Variants in RIMS1 observed in about 807,000 individuals in gnomAD.
The protein encoded by RIMS1 is regulating synaptic membrane exocytosis 1, also known as regulating synaptic membrane exocytosis protein 1.
Under a neutral mutation model 214.1 loss-of-function variants are expected in RIMS1, and 83 were observed. The observed-to-expected ratio is 0.39, with a 90% CI of 0.32 to 0.47. RIMS1 has a LOEUF of 0.47. RIMS1 is among the 20% of genes least tolerant of loss of function. The probability of loss-of-function intolerance (pLI) is 0.99; values close to 1 mark genes in which losing one functional copy is unlikely to be tolerated. For missense variants in RIMS1, 2,050 were observed against 2,161.8 expected (o/e 0.95, Z 1.03); for synonymous variants, 793 against 786.8 (o/e 1.01, Z -0.13).
chr6:72,149,011 A>C (rs1297385090), intron 4 of RIMS1, among the ~76,000 whole-genome samples: 1 of 152,104 alleles, frequency 6.6e-6, no homozygotes, highest in Non-Finnish European at 1.5e-5. Flanking sequence ...AAAATCTGCC[A>C]CGTAGAAAAG....
intron 6 of RIMS1, among the ~76,000 whole-genome samples, chr6:72,205,394 T>C (rs758882121): frequency 1.3e-5 from 2 of 152,116 alleles, no homozygotes; most frequent in Admixed American, 6.5e-5. Flanking sequence ...CCAGAAAGAA[T>C]AAGAGCTCTA....
chr6:71,918,292 G>A (rs1367052308), intron 1 of RIMS1, among the ~76,000 whole-genome samples: 2 of 152,132 alleles, frequency 1.3e-5, no homozygotes, highest in Admixed American at 1.3e-4. Context: ...GACCAGGAAA[G>A]TGTAGAGTTC....
At chr6:72,038,118 AATATATATATATAT>A (rs70994111) in intron 2 of RIMS1, among the ~76,000 whole-genome samples, 161 of 13,362 alleles carry the variant, frequency 0.012, no homozygotes, top group East Asian at 0.078. Flanking sequence ...AAAAAAAAAA[AATATATATATATAT>A]ATATATATAT....
chr6:72,175,332 A>G, intron 4 of RIMS1: 1 of 391,564 alleles, frequency 2.6e-6, no homozygotes, highest in Non-Finnish European at 5.1e-6. Flanking sequence ...ATATTATAAT[A>G]CTAAGTACCT....
chr6:71,990,090 A>G (rs1057121855), intron 2 of RIMS1, among the ~76,000 whole-genome samples: 2 of 152,164 alleles, frequency 1.3e-5, no homozygotes, highest in African/African-American at 4.8e-5. Context: ...GCCCCTATTC[A>G]TTTAATTCCT....
chr6:72,001,030 A>AT (rs1805032707), intron 2 of RIMS1, among the ~76,000 whole-genome samples: 1 of 151,910 alleles, frequency 6.6e-6, no homozygotes, highest in Non-Finnish European at 1.5e-5. Flanking sequence ...CTGTAAAAAA[A>AT]TTCATAAATT....
intron 2 of RIMS1, among the ~76,000 whole-genome samples, chr6:72,084,523 G>T (rs2463750): frequency 6.6e-6 from 1 of 152,108 alleles, no homozygotes; most frequent in Non-Finnish European, 1.5e-5. Flanking sequence ...TCTAGAAACA[G>T]TATTTCTAGG....
chr6:72,338,009 G>A (rs1180204418), intron 29 of RIMS1, among the ~76,000 whole-genome samples: 1 of 151,284 alleles, frequency 6.6e-6, no homozygotes, highest in Admixed American at 6.6e-5. Flanking sequence ...ATTTAGGTTG[G>A]TTCCAAGTCT....
chr6:72,309,468 G>T (rs1237838568), intron 27 of RIMS1, among the ~76,000 whole-genome samples: 1 of 152,086 alleles, frequency 6.6e-6, no homozygotes, highest in African/African-American at 2.4e-5. Flanking sequence ...ATGGATTTGG[G>T]ACTTAGGGTA....
chr6:72,286,709 C>T (rs1173947130), intron 24 of RIMS1, among the ~76,000 whole-genome samples: 1 of 152,100 alleles, frequency 6.6e-6, no homozygotes, highest in Non-Finnish European at 1.5e-5. Flanking sequence ...GAATTTACAT[C>T]TAGCTACACG....
intron 29 of RIMS1, among the ~76,000 whole-genome samples, chr6:72,348,816 T>G (rs2097352132): frequency 6.6e-6 from 1 of 151,966 alleles, no homozygotes; most frequent in South Asian, 2.1e-4. Context: ...TAAAGTAATA[T>G]TTTATTAGAA....
intron 2 of RIMS1, among the ~76,000 whole-genome samples, chr6:71,990,008 C>G (rs1801119035): frequency 6.6e-6 from 1 of 152,204 alleles, no homozygotes; most frequent in Non-Finnish European, 1.5e-5. Context: ...CACTGTTCAG[C>G]CCCCAGGTCT....
At chr6:72,000,770 T>C (rs1377135373) in intron 2 of RIMS1, among the ~76,000 whole-genome samples, 1 of 152,156 alleles carries the variant, frequency 6.6e-6, no homozygotes, top group African/African-American at 2.4e-5. Flanking sequence ...CTTTAGACAT[T>C]TGCCATTGTT....
rs187050906 is a variant in RIMS1 at position 72,118,976 on chromosome 6, C to T, written c.471+18990C>T. Among the ~76,000 whole-genome samples, 363 of 151,402 alleles carry T rather than the reference C, an allele frequency of 2.4e-3. 5 individuals are homozygous for T. The highest frequency in any genetic ancestry group is 0.02 in the Middle Eastern group (6 of 294). On this transcript the variant is annotated intron_variant, in intron 4 of 33. Coordinates refer to ENST00000521978, the MANE Select transcript of RIMS1 (RefSeq NM_014989.7). ...ATCATACTGGAAGTCCTGGCCAGACCAATCAGACAAGAGAAAGAAATAAAG... is the reference window on the plus strand; with the variant it reads ...ATCATACTGGAAGTCCTGGCCAGACTAATCAGACAAGAGAAAGAAATAAAG...
At chr6:71,902,796 T>C (rs975623555) in intron 1 of RIMS1, among the ~76,000 whole-genome samples, 1 of 152,104 alleles carries the variant, frequency 6.6e-6, no homozygotes, top group Non-Finnish European at 1.5e-5. Context: ...TCTGTTCCTG[T>C]GTTAGTTTGC....
intron 6 of RIMS1, among the ~76,000 whole-genome samples, chr6:72,199,027 C>G: frequency 6.6e-6 from 1 of 151,752 alleles, no homozygotes; most frequent in East Asian, 1.9e-4. Flanking sequence ...CAAGGAAGTC[C>G]CTGAATGACA....
At chr6:72,007,451 A>G (rs6906901) in intron 2 of RIMS1, among the ~76,000 whole-genome samples, 20,355 of 152,244 alleles carry the variant, frequency 0.13, 1,423 homozygotes, top group South Asian at 0.18. Context: ...CTCCTCACCA[A>G]CAATGGAAGA....
chr6:72,285,113 A>G (rs998959307), intron 24 of RIMS1, among the ~76,000 whole-genome samples: 1 of 152,186 alleles, frequency 6.6e-6, no homozygotes, highest in Non-Finnish European at 1.5e-5. Flanking sequence ...CTGAGAGGTT[A>G]AATGAATGAC....
intron 29 of RIMS1, among the ~76,000 whole-genome samples, chr6:72,365,560 A>T (rs2097970596): frequency 1.3e-5 from 2 of 152,226 alleles, no homozygotes; most frequent in African/African-American, 4.8e-5. Context: ...TTGACTATAT[A>T]ATTTAGCATC....
Sources: gnomAD v4.1 joint callset for allele counts (sites outside exome capture counted in the v4.1 genomes callset) on GRCh38, gnomAD v4.1.1 for gene constraint, MANE v1.5 for transcripts, NCBI Gene and HGNC (gene_info 2026-07-23, HGNC 2026-07-21) for gene names.